Variants in TMEM43 observed in about 807,000 individuals in gnomAD.
TMEM43 encodes transmembrane protein 43.
TMEM43 carries 45 observed loss-of-function variants against 49.6 expected under a neutral mutation model. The ratio of observed to expected loss-of-function variants is 0.91; its 90% confidence interval spans 0.71 to 1.16. The LOEUF is 1.16. Ranked by LOEUF, TMEM43 falls within the 50% of genes most tolerant of loss-of-function variation. The pLI, the probability that TMEM43 is intolerant of heterozygous loss-of-function variation, is 0.00. For synonymous variants in TMEM43, 199 were observed against 207.8 expected, an observed-to-expected ratio of 0.96 and a Z score of 0.36; for missense variants, 532 against 516.6, an observed-to-expected ratio of 1.03 and a Z score of -0.29.
At chr3:14,126,925 G>A (rs1695028751) in intron 1 of TMEM43, among the ~76,000 whole-genome samples, 1 of 152,180 alleles carries the variant, frequency 6.6e-6, no homozygotes, top group Non-Finnish European at 1.5e-5. Flanking sequence ...CACTTTATAA[G>A]TGAGTAAACA....
intron 11 of TMEM43, 123 bp downstream of exon 11, chr3:14,139,420 G>A: frequency 1.3e-6 from 1 of 771,070 alleles, no homozygotes. Flanking sequence ...CAGGCATTTG[G>A]CTCATCTCTG....
chr3:14,129,197 A>G (rs1471954149), intron 1 of TMEM43: 3 of 473,690 alleles, frequency 6.3e-6, no homozygotes, highest in African/African-American at 5.9e-5. Flanking sequence ...GGGGTGATGG[A>G]AATATTTTGT....
chr3:14,142,780 G>A lies in TMEM43; in HGVS notation c.*985G>A, dbSNP rs776163428. On this transcript the variant is annotated 3_prime_UTR_variant, in exon 12 of 12. Transcript: ENST00000306077. Reference sequence around the variant, plus strand: ...GTTTTCACTCTGGGAGGAGAGGGTGGAGAAAGCACTTGCTTTCATCCTCTG... The same window carrying A: ...GTTTTCACTCTGGGAGGAGAGGGTGAAGAAAGCACTTGCTTTCATCCTCTG... 7.2e-5 allele frequency: 11 copies of A among 152,554 alleles called. No individual in the cohort carries two copies. The highest frequency in any genetic ancestry group is 1.6e-4 in the Non-Finnish European group (11 of 68,034). 9.5% of individuals were successfully genotyped at this position (152,554 alleles called of 1,614,324 possible).
At position 14,132,876 on chromosome 3, in the gene TMEM43, G is replaced by A; in HGVS notation, c.453G>A (p.Trp151Ter). Reference protein sequence around the residue: ...KETRYSYNTEWRSEIINSKNF... With the variant: ...KETRYSYNTE ...CCTCTCCCTGAGCAGACACTGAATG[G>A]AGGTCAGAAATCATCAACAGCAAAA... is the stretch of plus-strand genomic sequence containing the variant. The change falls in exon 6 of 12, where the codon TGG becomes TGA. Residue 151 changes from tryptophan to a stop codon, truncating the protein, a stop_gained. Coordinates refer to ENST00000306077, the MANE Select transcript of TMEM43 (RefSeq NM_024334.3). LOFTEE classifies it high-confidence loss of function. The A allele has an allele frequency of 6.2e-7, 1 of 1,614,038 alleles. No homozygotes were observed. Among genetic ancestry groups the A allele is most frequent in the Non-Finnish European group, 8.5e-7 (1 of 1,179,970 alleles).
chr3:14,132,369 A>AGCTG (rs1203582661), intron 4 of TMEM43, among the ~76,000 whole-genome samples, 177 bp from the exon 5 acceptor site: 1 of 152,140 alleles, frequency 6.6e-6, no homozygotes, highest in East Asian at 1.9e-4. Context: ...GGAGGGCAGG[A>AGCTG]GCTGGCTGTC....
intron 6 of TMEM43, 128 bp downstream of exon 6, chr3:14,133,063 T>A: frequency 1.2e-6 from 1 of 811,608 alleles, no homozygotes; most frequent in Non-Finnish European, 2.1e-6. Flanking sequence ...GGGACATGGG[T>A]TTGAGACCAA....
intron 1 of TMEM43, among the ~76,000 whole-genome samples, chr3:14,127,263 G>A (rs73817813): frequency 6.6e-6 from 1 of 152,296 alleles, no homozygotes; most frequent in African/African-American, 2.4e-5. Context: ...AATGTGGGCT[G>A]GGTTTGTCAT....
chr3:14,125,126 A>C lies in TMEM43; in HGVS notation c.-68A>C. 10 of 1,599,038 alleles carry C rather than the reference A, an allele frequency of 6.3e-6. No individual in the cohort carries two copies. The highest frequency in any genetic ancestry group is 8.5e-6 in the Non-Finnish European group (10 of 1,174,180). On this transcript the variant is annotated 5_prime_UTR_variant, in exon 1 of 12. Transcript: ENST00000306077. ...GGCTGGCAAGAGGCCGCTGGACACC[A>C]CGCTCCAGTCGTCAGCCCACTTCCT... is the stretch of plus-strand genomic sequence containing the variant.
intron 11 of TMEM43, among the ~76,000 whole-genome samples, chr3:14,140,930 T>A (rs1695238504): frequency 6.6e-6 from 1 of 152,190 alleles, no homozygotes; most frequent in Non-Finnish European, 1.5e-5. Flanking sequence ...TCCTGGGAAC[T>A]GAGCGAAGAT....
chr3:14,139,442 C>T (rs531927109), intron 11 of TMEM43, 145 bp downstream of exon 11: 4 of 707,484 alleles, frequency 5.7e-6, no homozygotes, highest in African/African-American at 3.5e-5. Flanking sequence ...GTCCCCGCTC[C>T]ATAGCCTTGG....
chr3:14,130,686 A>G, intron 2 of TMEM43, 136 bp from the exon 3 acceptor site: 3 of 1,167,986 alleles, frequency 2.6e-6, no homozygotes, highest in Non-Finnish European at 3.6e-6. Flanking sequence ...GCTAGACCTC[A>G]GTTTTCCAAC....
intron 2 of TMEM43, among the ~76,000 whole-genome samples, chr3:14,130,536 A>ACAGG (rs1300877019): frequency 2.0e-5 from 3 of 152,196 alleles, no homozygotes; most frequent in Non-Finnish European, 2.9e-5. Context: ...GGAGAAAGGG[A>ACAGG]CAGGCAGGCA....
chr3:14,140,786 T>A (rs117144604), intron 11 of TMEM43, among the ~76,000 whole-genome samples: 1 of 152,192 alleles, frequency 6.6e-6, no homozygotes, highest in South Asian at 2.1e-4. Flanking sequence ...TTGCTTATTA[T>A]AAGGGCTGAG....
rs138182276 is a variant in TMEM43, at chr3:14,134,787, G to A, written c.601G>A (p.Asp201Asn). 138 of 1,614,122 alleles carry A rather than the reference G, an allele frequency of 8.5e-5. No individual in the cohort carries two copies. In the East Asian group the frequency reaches 2.9e-3, roughly 34 times the overall value. Residue 201 changes from aspartate (D) to asparagine (N), a missense_variant, in exon 8 of 12, where the codon GAC becomes AAC. Coordinates refer to ENST00000306077, the MANE Select transcript of TMEM43 (RefSeq NM_024334.3). ...CCCCTCAGGCCTCATCGACAAAGTC[G>A]ACAACTTCAAGTCCCTGAGCCTATC... ...FLSSGLIDKV[D>N]NFKSLSLSKL... is the part of the protein sequence containing the mutation.
Position 14,142,643 on chromosome 3 carries a change from G to A in TMEM43, c.*848G>A, listed in dbSNP as rs2124998408. ...TCAGTTGAATTCAGAGCACTGAAAGGTGTTAAATTGGGGTATGTGGTTTGA... is the reference window on the plus strand; with the variant it reads ...TCAGTTGAATTCAGAGCACTGAAAGATGTTAAATTGGGGTATGTGGTTTGA... On this transcript the variant is annotated 3_prime_UTR_variant, in exon 12 of 12. Coordinates refer to ENST00000306077, the MANE Select transcript of TMEM43 (RefSeq NM_024334.3). 6.5e-6 allele frequency: 1 copy of A among 152,764 alleles called. No homozygotes were observed. The highest frequency in any genetic ancestry group is 1.9e-4 in the East Asian group (1 of 5,196). 9.5% of individuals were successfully genotyped at this position (152,764 alleles called of 1,614,324 possible).
chr3:14,143,121 C>CCAA lies in TMEM43; in HGVS notation c.*1328_*1330dup, dbSNP rs922130072. The CCAA allele has an allele frequency of 2.0e-5, 3 of 152,304 alleles. No homozygotes were observed. In the East Asian group the frequency reaches 5.8e-4, roughly 29 times the overall value. The allele number at this position is 152,304 out of a possible 1,614,324, so 9.4% of individuals were successfully genotyped here. ...CTAAGTCACAGAATTTCTAAGTTCC[C>CCAA]CAACTACTCTCACACCCTTTTAAAG... On this transcript the variant is annotated 3_prime_UTR_variant, in exon 12 of 12. Transcript: ENST00000306077.
chr3:14,141,733 G>T lies in TMEM43; in HGVS notation c.1141G>T (p.Gly381Cys). ...ACCCCTGTGGGCCCTCCTCATTGCC[G>T]GCCTGGCCCTTGTGCCCATCCTTGT... is the stretch of plus-strand genomic sequence containing the variant. ...YRPLWALLIA[G>C]LALVPILVAR... is the part of the protein sequence containing the mutation. Residue 381 changes from glycine to cysteine, a missense_variant, in exon 12 of 12, where the codon GGC (glycine) becomes TGC (cysteine). Transcript: ENST00000306077. The T allele has an allele frequency of 6.2e-7, 1 of 1,614,098 alleles. No individual in the cohort carries two copies. Among genetic ancestry groups the T allele is most frequent in the Non-Finnish European group, 8.5e-7 (1 of 1,180,012 alleles).
At position 14,135,376 on chromosome 3, in the gene TMEM43, G is replaced by A. The variant is rs3814413; in HGVS notation, c.780+144G>A. 98 of 748,308 alleles carry A rather than the reference G, an allele frequency of 1.3e-4. 2 individuals carry two copies. In the East Asian group the frequency reaches 2.6e-3, roughly 20 times the overall value. The allele number at this position is 748,308 out of a possible 1,614,324, so 46.4% of individuals were successfully genotyped here. On this transcript the variant is annotated intron_variant, in intron 9 of 11. Coordinates refer to ENST00000306077, the MANE Select transcript of TMEM43 (RefSeq NM_024334.3). ...CTCGCACACACTCTCAGCCAGGCAC[G>A]CTTCTGAGCAGTTTCAGAGCTCCCA...
intron 10 of TMEM43, 110 bp downstream of exon 10, chr3:14,136,018 CAAG>C (rs750860982): frequency 4.2e-6 from 4 of 950,230 alleles, no homozygotes; most frequent in Middle Eastern, 2.1e-4. Flanking sequence ...GTGAATGAGG[CAAG>C]AAGAAGAAAT....
Sources: gnomAD v4.1 joint callset for allele counts (sites outside exome capture counted in the v4.1 genomes callset) on GRCh38, gnomAD v4.1.1 for gene constraint, MANE v1.5 for transcripts, NCBI Gene and HGNC (gene_info 2026-07-23, HGNC 2026-07-21) for gene names.